The following ZNF469 variants were observed in gnomAD, a reference collection of about 807,000 sequenced individuals.
ZNF469 encodes zinc finger protein 469.
Under a neutral mutation model 1.0 loss-of-function variants are expected in ZNF469, and 1 was observed. The ratio of observed to expected loss-of-function variants is 1.00; its 90% CI spans 0.35 to 4.73. The LOEUF (loss-of-function observed/expected upper bound fraction) is 4.73. Ranked by LOEUF, ZNF469 falls within the 30% of genes most tolerant of loss-of-function variation. ZNF469 has a pLI of 0.16. For missense variants in ZNF469, 6,100 were observed against 5,356.3 expected (o/e 1.14, Z -4.33); for synonymous variants, 2,703 against 2,363.4 (o/e 1.14, Z -4.17).
In ZNF469 at chr16:88,433,417, T is replaced by C; in HGVS notation, c.5947T>C (p.Trp1983Arg). 1.3e-6 allele frequency: 2 copies of C among 1,550,250 alleles called. No individual in the cohort carries two copies. Among genetic ancestry groups the C allele is most frequent in the East Asian group, 2.4e-5 (1 of 40,914 alleles). The change falls in exon 3 of 3, where the codon TGG (tryptophan) becomes CGG (arginine). Residue 1983 changes from tryptophan to arginine, a missense_variant. Trp to Arg is a moderately radical substitution (Grantham distance 101). Coordinates refer to ENST00000565624, the MANE Select transcript of ZNF469 (RefSeq NM_001367624.2). ...HQLGLEADGHWGLLGQAEKTQ... is the reference protein window; with the variant it reads ...HQLGLEADGHRGLLGQAEKTQ... ...GCTGGGGCTGGAGGCAGATGGACAT[T>C]GGGGCTTGCTTGGCCAAGCCGAGAA...
chr16:88,362,582 T>A, the ZNF469 span, among the ~76,000 whole-genome samples: 1 of 152,248 alleles, frequency 6.6e-6, no homozygotes, highest in African/African-American at 2.4e-5. Flanking sequence ...TACTGTCTTC[T>A]GACTTCTGGT....
At chr16:88,185,921 C>T in the ZNF469 span, among the ~76,000 whole-genome samples, 5 of 152,136 alleles carry the variant, frequency 3.3e-5, no homozygotes, top group African/African-American at 4.8e-5. Context: ...CACACATTCA[C>T]ACTCTCACAC....
the ZNF469 span, among the ~76,000 whole-genome samples, chr16:88,267,995 T>A: frequency 5.9e-5 from 9 of 152,042 alleles, no homozygotes; most frequent in South Asian, 1.7e-3. Context: ...TACCGGCTCC[T>A]GCCATCCTCT....
At chr16:88,388,645 C>G (rs1415619372) in intron 1 of ZNF469, among the ~76,000 whole-genome samples, 2 of 152,240 alleles carry the variant, frequency 1.3e-5, no homozygotes, top group East Asian at 1.9e-4. Context: ...GGCGTGGGAG[C>G]CAGGATACCC....
In ZNF469 at chr16:88,428,733, G is replaced by A. The variant is rs1905890149; in HGVS notation, c.1263G>A (p.Gly421=). Residue 421 remains glycine (G), a synonymous_variant, in exon 3 of 3, where the codon GGG becomes GGA. Coordinates refer to ENST00000565624, the MANE Select transcript of ZNF469 (RefSeq NM_001367624.2). ...YRASGVDTSP[G]PPDTELAAPG... The stretch of plus-strand genomic sequence containing the variant: ...CCAGTGGGGTGGACACCAGCCCGGG[G>A]CCTCCGGACACCGAGCTGGCCGCCC... The A allele has an allele frequency of 1.3e-6, 2 of 1,547,314 alleles. No individual in the cohort carries two copies. The highest frequency in any genetic ancestry group is 1.7e-6 in the Non-Finnish European group (2 of 1,146,614).
At chr16:88,153,208 G>A in the ZNF469 span, among the ~76,000 whole-genome samples, 1 of 152,186 alleles carries the variant, frequency 6.6e-6, no homozygotes. Context: ...CCAGGTGGGG[G>A]GCTGAATGGC....
intron 1 of ZNF469, among the ~76,000 whole-genome samples, chr16:88,414,549 C>G (rs1009398513): frequency 6.6e-6 from 1 of 152,264 alleles, no homozygotes; most frequent in South Asian, 2.1e-4. Flanking sequence ...CAGAGCTGCC[C>G]TGGATTGGGA....
intron 1 of ZNF469, among the ~76,000 whole-genome samples, chr16:88,422,849 GGATGGATGATGAT>G (rs1159517143): frequency 1.3e-5 from 2 of 149,824 alleles, no homozygotes; most frequent in African/African-American, 4.9e-5. Context: ...GTGGATGGAT[GGATGGATGATGAT>G]GATGGATGAG....
the ZNF469 span, among the ~76,000 whole-genome samples, chr16:88,218,326 T>C: frequency 1.3e-5 from 2 of 150,596 alleles, no homozygotes; most frequent in Non-Finnish European, 3.0e-5. Context: ...GAGTTCATTG[T>C]AGATTCTGGA....
At chr16:88,120,573 C>T in the ZNF469 span, among the ~76,000 whole-genome samples, 23 of 152,300 alleles carry the variant, frequency 1.5e-4, no homozygotes, top group East Asian at 2.5e-3. Context: ...GCTCCACGGC[C>T]GCAGCAGGGA....
Position 88,427,760 on chromosome 16 carries a change from C to T in ZNF469, c.290C>T (p.Pro97Leu), listed in dbSNP as rs273585617. The T allele has an allele frequency of 4.9e-5, 75 of 1,544,708 alleles. No homozygotes were observed. The highest frequency in any genetic ancestry group is 6.0e-5 in the Non-Finnish European group (69 of 1,146,432). Residue 97 changes from proline (P) to leucine (L), a missense_variant, in exon 3 of 3, where the codon CCG (proline) becomes CTG (leucine). By Grantham distance (98) the Pro-to-Leu change is moderately conservative. Coordinates refer to ENST00000565624, the MANE Select transcript of ZNF469 (RefSeq NM_001367624.2). ...PGKRGSPQTP[P>L]GRSPLQAPSR... ...AAGAGGGGCAGCCCCCAGACCCCAC[C>T]GGGGAGAAGCCCCTTGCAGGCTCCC...
chr16:88,281,792 C>G, the ZNF469 span, among the ~76,000 whole-genome samples: 1 of 151,534 alleles, frequency 6.6e-6, no homozygotes, highest in East Asian at 1.9e-4. Context: ...GATGCTTGGT[C>G]AGTACTGTGT....
the ZNF469 span, among the ~76,000 whole-genome samples, chr16:88,209,915 G>C: frequency 6.6e-6 from 1 of 152,302 alleles, no homozygotes; most frequent in East Asian, 1.9e-4. Context: ...ACTGTTGTAA[G>C]AGTATCTTCA....
chr16:88,245,921 T>A, the ZNF469 span, among the ~76,000 whole-genome samples: 3 of 152,406 alleles, frequency 2.0e-5, no homozygotes, highest in African/African-American at 2.4e-5. Context: ...GAGCAGTACA[T>A]AGCCCGGGGA....
rs1209065662 is a variant in ZNF469, at chr16:88,437,390, C to T, written c.9920C>T (p.Thr3307Met). 3 of 1,535,070 alleles carry T rather than the reference C, an allele frequency of 2.0e-6. No individual in the cohort carries two copies. The highest frequency in any genetic ancestry group is 2.6e-6 in the Non-Finnish European group (3 of 1,140,060). Residue 3307 changes from threonine (T) to methionine (M), a missense_variant, in exon 3 of 3, where the codon ACG becomes ATG. By Grantham distance (81) the Thr-to-Met change is moderately conservative. Transcript: ENST00000565624. ...ADAGSPGPPR[T>M]TPSPSPDPWA... ...GCCGGCAGCCCGGGCCCCCCCAGGA[C>T]GACCCCCAGCCCGTCCCCCGACCCC...
At chr16:88,202,580 G>A in the ZNF469 span, among the ~76,000 whole-genome samples, 411 of 152,326 alleles carry the variant, frequency 2.7e-3, 2 homozygotes, top group African/African-American at 9.5e-3. Context: ...GGCACCGCAG[G>A]AAGCACATCT....
rs2142309285 is a variant in ZNF469, at chr16:88,433,854, G to T, written c.6384G>T (p.Gly2128=). 2.6e-6 allele frequency: 4 copies of T among 1,549,418 alleles called. No homozygotes were observed. The highest frequency in any genetic ancestry group is 1.7e-4 in the Middle Eastern group (1 of 5,990). Residue 2128 remains glycine (G), a synonymous_variant, in exon 3 of 3, where the codon GGG becomes GGT. Transcript: ENST00000565624. The part of the protein sequence containing the change: ...TSAAHMPCSL[G]PLPREDPLTS... ...CCGCCCACATGCCCTGCAGCCTTGG[G>T]CCCCTGCCCCGTGAAGACCCACTTA... is the stretch of plus-strand genomic sequence containing the variant.
At chr16:88,280,484 G>T in the ZNF469 span, among the ~76,000 whole-genome samples, 1 of 151,548 alleles carries the variant, frequency 6.6e-6, no homozygotes, top group African/African-American at 2.4e-5. Context: ...GCACTTGTTG[G>T]TGCTGTGCCA....
intron 1 of ZNF469, among the ~76,000 whole-genome samples, chr16:88,420,628 T>G (rs947236556): frequency 6.6e-6 from 1 of 152,130 alleles, no homozygotes; most frequent in Non-Finnish European, 1.5e-5. Context: ...CCCGAGGAGT[T>G]CACACCACAC....
Sources: allele counts gnomAD v4.1 joint callset (sites outside exome capture counted in the v4.1 genomes callset), GRCh38; gene constraint gnomAD v4.1.1; transcripts MANE v1.5; gene names NCBI Gene and HGNC (gene_info 2026-07-23, HGNC 2026-07-21).